CTNND2: variants seen among roughly 807,000 people sequenced by gnomAD.
CTNND2 encodes catenin delta 2.
In CTNND2, 22 loss-of-function variants were observed where a neutral mutation model predicts 144.4. That is an observed-to-expected ratio of 0.15 (90% CI 0.11 to 0.22). The LOEUF (loss-of-function observed/expected upper bound fraction) is 0.22. CTNND2 is among the 10% of genes least tolerant of loss of function. CTNND2 has a pLI of 1.00. For missense variants in CTNND2, 1,353 were observed against 1,618.8 expected (o/e 0.84, Z 2.82); for synonymous variants, 751 against 695.6 (o/e 1.08, Z -1.25).
At chr5:11,574,467 T>C (rs1334715648) in intron 2 of CTNND2, among the ~76,000 whole-genome samples, 1 of 152,120 alleles carries the variant, frequency 6.6e-6, no homozygotes, top group Non-Finnish European at 1.5e-5. Flanking sequence ...TCCACTGTTT[T>C]AATGAAGGCT....
At chr5:11,529,371 T>C (rs1773539315) in intron 3 of CTNND2, among the ~76,000 whole-genome samples, 1 of 152,234 alleles carries the variant, frequency 6.6e-6, no homozygotes, top group African/African-American at 2.4e-5. Context: ...CGTCTTCCAA[T>C]GAAGTACATT....
chr5:11,624,471 C>A (rs917177084), intron 2 of CTNND2, among the ~76,000 whole-genome samples: 7 of 152,182 alleles, frequency 4.6e-5, no homozygotes, highest in African/African-American at 1.7e-4. Context: ...TCCTTTAATA[C>A]TTGACAATGG....
chr5:11,255,408 T>A (rs1744136948), intron 9 of CTNND2, among the ~76,000 whole-genome samples: 1 of 152,218 alleles, frequency 6.6e-6, no homozygotes, highest in Non-Finnish European at 1.5e-5. Flanking sequence ...CAGGCAAGTG[T>A]GTGACACAGA....
At chr5:11,462,887 A>T (rs752527969) in intron 3 of CTNND2, among the ~76,000 whole-genome samples, 1 of 152,108 alleles carries the variant, frequency 6.6e-6, no homozygotes, top group Admixed American at 6.5e-5. Flanking sequence ...GACCTATCAG[A>T]AGCTGCCTCG....
At chr5:11,403,185 T>C (rs1238274312) in intron 5 of CTNND2, among the ~76,000 whole-genome samples, 1 of 152,192 alleles carries the variant, frequency 6.6e-6, no homozygotes, top group Non-Finnish European at 1.5e-5. Context: ...ATATATGTCC[T>C]GATGTTCTCC....
At chr5:11,824,093 CAA>C (rs1189701479) in intron 1 of CTNND2, among the ~76,000 whole-genome samples, 7 of 58,898 alleles carry the variant, frequency 1.2e-4, no homozygotes, top group African/African-American at 2.2e-4. Flanking sequence ...CAGAGTGTCT[CAA>C]AAAAAAAAAA....
At chr5:11,764,384 C>T (rs1040211999) in intron 1 of CTNND2, among the ~76,000 whole-genome samples, 1 of 152,180 alleles carries the variant, frequency 6.6e-6, no homozygotes, top group African/African-American at 2.4e-5. Context: ...CAATCTGTTA[C>T]AGCAGCCGCA....
chr5:11,344,814 T>C (rs1035777028), intron 9 of CTNND2, among the ~76,000 whole-genome samples: 1 of 152,136 alleles, frequency 6.6e-6, no homozygotes, highest in Non-Finnish European at 1.5e-5. Flanking sequence ...AAAAAGGCTG[T>C]AAAAATGACA....
At chr5:11,183,746 A>G (rs912192419) in intron 11 of CTNND2, among the ~76,000 whole-genome samples, 1 of 151,708 alleles carries the variant, frequency 6.6e-6, no homozygotes, top group African/African-American at 2.4e-5. Context: ...TTTAGTAGAG[A>G]CAGGGTTTTA....
intron 9 of CTNND2, among the ~76,000 whole-genome samples, chr5:11,320,133 G>A (rs1225300019): frequency 2.0e-5 from 3 of 152,266 alleles, no homozygotes; most frequent in African/African-American, 4.8e-5. Context: ...CATTCAACTG[G>A]CATAGTTCAC....
intron 1 of CTNND2, among the ~76,000 whole-genome samples, chr5:11,887,329 C>A (rs950156263): frequency 6.6e-5 from 10 of 151,948 alleles, no homozygotes; most frequent in Non-Finnish European, 1.2e-4. Context: ...ATTCTCCTTC[C>A]CCTCACCTTT....
At chr5:11,793,043 A>G (rs1253340469) in intron 1 of CTNND2, among the ~76,000 whole-genome samples, 1 of 152,224 alleles carries the variant, frequency 6.6e-6, no homozygotes, top group Admixed American at 6.5e-5. Context: ...TTCTAATGCA[A>G]TCAATTTTCA....
chr5:11,239,501 C>T (rs1302220983), intron 9 of CTNND2, among the ~76,000 whole-genome samples: 1 of 152,208 alleles, frequency 6.6e-6, no homozygotes, highest in African/African-American at 2.4e-5. Flanking sequence ...TGCAAATCTC[C>T]TCCCACCTCC....
Position 11,069,851 on chromosome 5 carries a change from T to C in CTNND2, c.2788+12845A>G, listed in dbSNP as rs191070411. On this transcript the variant is annotated intron_variant, in intron 16 of 21. Coordinates refer to ENST00000304623, the MANE Select transcript of CTNND2 (RefSeq NM_001332.4). ...GGTAGATTAAATACTGATCATGCTCTTGAAACATTTGCACTCAGTGGTAAA... is the reference window on the plus strand; with the variant it reads ...GGTAGATTAAATACTGATCATGCTCCTGAAACATTTGCACTCAGTGGTAAA... Among the ~76,000 whole-genome samples the C allele has an allele frequency of 2.0e-4, 30 of 152,326 alleles. No individual in the cohort carries two copies. In the East Asian group the frequency reaches 5.4e-3, roughly 27 times the overall value.
intron 3 of CTNND2, among the ~76,000 whole-genome samples, chr5:11,477,191 C>A (rs533759239): frequency 2.0e-5 from 3 of 152,118 alleles, no homozygotes; most frequent in Non-Finnish European, 4.4e-5. Context: ...ACAATTATCA[C>A]GGCAATTAAC....
chr5:11,046,084 T>C (rs766435882), intron 16 of CTNND2, among the ~76,000 whole-genome samples: 3 of 152,064 alleles, frequency 2.0e-5, no homozygotes, highest in African/African-American at 7.2e-5. Context: ...CTGGGTTGAA[T>C]TGTTACCCCC....
intron 12 of CTNND2, among the ~76,000 whole-genome samples, chr5:11,150,591 T>A (rs1195105993): frequency 6.8e-6 from 1 of 146,452 alleles, no homozygotes; most frequent in East Asian, 2.0e-4. Context: ...TGGTGGCAGG[T>A]GGTGAGGCCT....
intron 3 of CTNND2, among the ~76,000 whole-genome samples, chr5:11,469,797 C>CGTAG (rs142474548): frequency 0.013 from 1,945 of 152,230 alleles, 42 homozygotes; most frequent in African/African-American, 0.044. Context: ...AAGCCATCAT[C>CGTAG]GTAGATTTTT....
rs536032077 is a variant in CTNND2 at position 11,417,617 on chromosome 5, C to T, written c.288-5548G>A. On this transcript the variant is annotated intron_variant, in intron 3 of 21. Transcript: ENST00000304623. ...ACACAAGATAACTCCTCATACACCA[C>T]AAACTGTCCAAAAATTTGAAAGCCT... Among the ~76,000 whole-genome samples, 10 of 152,302 alleles carry T rather than the reference C, an allele frequency of 6.6e-5. No homozygotes were observed. In the South Asian group the frequency reaches 1.4e-3, roughly 22 times the overall value.
Sources: allele counts gnomAD v4.1 joint callset (sites outside exome capture counted in the v4.1 genomes callset), GRCh38; gene constraint gnomAD v4.1.1; transcripts MANE v1.5; gene names NCBI Gene and HGNC (gene_info 2026-07-23, HGNC 2026-07-21).